Variants in ORC4 observed in about 807,000 individuals in gnomAD.
ORC4 encodes origin recognition complex, subunit 4 homolog.
In ORC4, 55 loss-of-function variants were observed where a neutral mutation model predicts 63.9. That is an observed-to-expected ratio of 0.86 (90% CI 0.69 to 1.08). ORC4 has a LOEUF of 1.08. ORC4 is among the 50% of genes least tolerant of loss of function. The pLI is 0.00. For missense variants in ORC4, 511 were observed against 504.4 expected (o/e 1.01, Z -0.13); for synonymous variants, 150 against 168.5 (o/e 0.89, Z 0.85).
chr2:147,994,193 ACT>A (rs1201816450), intron 1 of ORC4, among the ~76,000 whole-genome samples: 2 of 152,184 alleles, frequency 1.3e-5, no homozygotes, highest in Non-Finnish European at 2.9e-5. Context: ...TCACTATAAA[ACT>A]CTGATTCAAG....
chr2:147,945,758 G>C (rs1296520566), intron 9 of ORC4, among the ~76,000 whole-genome samples: 1 of 151,978 alleles, frequency 6.6e-6, no homozygotes, highest in East Asian at 1.9e-4. Flanking sequence ...ACTGCTATTG[G>C]CTTAATCCTG....
chr2:147,987,391 T>TACACAC (rs763374232), intron 1 of ORC4, among the ~76,000 whole-genome samples: 31 of 136,660 alleles, frequency 2.3e-4, no homozygotes, highest in South Asian at 9.8e-4. Context: ...TGTATATATA[T>TACACAC]ACACACACAC....
In ORC4 at chr2:147,965,023, C is replaced by T. The variant is rs369337331; in HGVS notation, c.226-6157G>A. ...ACAGACAAGCAAAAACTAAAGCAATCCGTCATCACTAGACCAGACCTATAA... is the reference window on the plus strand; with the variant it reads ...ACAGACAAGCAAAAACTAAAGCAATTCGTCATCACTAGACCAGACCTATAA... On this transcript the variant is annotated intron_variant, in intron 4 of 13. Coordinates refer to ENST00000392857, the MANE Select transcript of ORC4 (RefSeq NM_181741.4). Among the ~76,000 whole-genome samples the T allele has an allele frequency of 1.1e-3, 164 of 152,226 alleles. 1 individual carries two copies. Among genetic ancestry groups the T allele is most frequent in the South Asian group, 3.5e-3 (17 of 4,808 alleles).
Position 147,932,584 on chromosome 2 carries a change from G to A in ORC4, c.*2926C>T, listed in dbSNP as rs1476052962. 1 of 152,138 alleles carries A rather than the reference G, an allele frequency of 6.6e-6. No individual in the cohort carries two copies. Among genetic ancestry groups the A allele is most frequent in the Admixed American group, 6.6e-5 (1 of 15,242 alleles). 9.4% of individuals were successfully genotyped at this position (152,138 alleles called of 1,614,324 possible). ...TACACCTTGACAACTGCAAGAATGAGGATAGTGGTGAGTGAAGGGAGATTT... is the reference window on the plus strand; with the variant it reads ...TACACCTTGACAACTGCAAGAATGAAGATAGTGGTGAGTGAAGGGAGATTT... On this transcript the variant is annotated 3_prime_UTR_variant, in exon 14 of 14. Transcript: ENST00000392857.
chr2:148,011,445 A>T (rs1573900920), intron 1 of ORC4, among the ~76,000 whole-genome samples: 1 of 152,220 alleles, frequency 6.6e-6, no homozygotes, highest in East Asian at 1.9e-4. Context: ...AAAAACTCTC[A>T]GCAAACTGGG....
At position 147,931,048 on chromosome 2, in the gene ORC4, T is replaced by G. The variant is rs1254164469; in HGVS notation, c.*4462A>C. On this transcript the variant is annotated 3_prime_UTR_variant, in exon 14 of 14. Transcript: ENST00000392857. Reference sequence around the variant, plus strand: ...CAGTCCCCAGAGTGTGATATTCCCCTTCCTGTGTCCATGTGATCTCATTGT... The same window carrying G: ...CAGTCCCCAGAGTGTGATATTCCCCGTCCTGTGTCCATGTGATCTCATTGT... The G allele has an allele frequency of 7.6e-6, 1 of 132,002 alleles. No individual in the cohort carries two copies. Among genetic ancestry groups the G allele is most frequent in the African/African-American group, 2.8e-5 (1 of 35,446 alleles). The allele number at this position is 132,002 out of a possible 1,614,324, so 8.2% of individuals were successfully genotyped here.
intron 1 of ORC4, among the ~76,000 whole-genome samples, chr2:148,005,427 T>C (rs959608756): frequency 3.3e-5 from 5 of 151,854 alleles, no homozygotes; most frequent in Admixed American, 2.6e-4. Flanking sequence ...AAGGGAGGGA[T>C]AGCATTAGGA....
intron 4 of ORC4, among the ~76,000 whole-genome samples, chr2:147,961,267 C>T (rs1689573719): frequency 6.6e-6 from 1 of 151,730 alleles, no homozygotes; most frequent in African/African-American, 2.4e-5. Context: ...TGGTGAAACC[C>T]CATCTCTACT....
At position 147,955,138 on chromosome 2, in the gene ORC4, A is replaced by AT. The variant is rs879517632; in HGVS notation, c.436+208dup. On this transcript the variant is annotated intron_variant, in intron 7 of 13. Coordinates refer to ENST00000392857, the MANE Select transcript of ORC4 (RefSeq NM_181741.4). ...ATAATATACTGATATAAAGATCAGT[A>AT]TATCATTGAATAAAGATAAGAAACC... Among the ~76,000 whole-genome samples the AT allele has an allele frequency of 5.2e-4, 79 of 152,126 alleles. 1 individual carries two copies. The highest frequency in any genetic ancestry group is 1.9e-3 in the African/African-American group (78 of 41,574).
intron 10 of ORC4, among the ~76,000 whole-genome samples, chr2:147,941,563 G>A (rs1001884563): frequency 1.3e-5 from 2 of 151,928 alleles, no homozygotes; most frequent in African/African-American, 4.8e-5. Context: ...TCTATAATGA[G>A]CTTCCACAGT....
Position 148,004,734 on chromosome 2 carries a change from T to A in ORC4, c.-18+15899A>T, listed in dbSNP as rs1014287049. On this transcript the variant is annotated intron_variant, in intron 1 of 13. Transcript: ENST00000392857. ...TTCATGACTAAAACACCAAAAGCAATGGCAACAAAAGGATACGAACAGACA... is the reference window on the plus strand; with the variant it reads ...TTCATGACTAAAACACCAAAAGCAAAGGCAACAAAAGGATACGAACAGACA... Among the ~76,000 whole-genome samples, 5 of 151,714 alleles carry A rather than the reference T, an allele frequency of 3.3e-5. No homozygotes were observed. In the South Asian group the frequency reaches 1.0e-3, roughly 32 times the overall value.
intron 1 of ORC4, among the ~76,000 whole-genome samples, chr2:147,982,501 T>C (rs1321717389): frequency 6.6e-6 from 1 of 152,198 alleles, no homozygotes; most frequent in Admixed American, 6.5e-5. Flanking sequence ...AAGAAAGAAT[T>C]ACTCAAAAAA....
intron 8 of ORC4, among the ~76,000 whole-genome samples, chr2:147,950,164 T>C (rs1018821722): frequency 6.6e-6 from 1 of 152,156 alleles, no homozygotes; most frequent in Non-Finnish European, 1.5e-5. Context: ...TCAGATATTG[T>C]ACATTTATTT....
chr2:147,992,386 A>G (rs1573863658), intron 1 of ORC4, among the ~76,000 whole-genome samples: 1 of 152,096 alleles, frequency 6.6e-6, no homozygotes, highest in East Asian at 1.9e-4. Flanking sequence ...CCTCCTAAAT[A>G]GCTGGGATTA....
intron 4 of ORC4, among the ~76,000 whole-genome samples, chr2:147,966,263 A>C (rs891700633): frequency 6.6e-6 from 1 of 152,062 alleles, no homozygotes; most frequent in African/African-American, 2.4e-5. Context: ...ACATCAAAAA[A>C]CTAGAAAAAT....
At chr2:147,976,184 A>C (rs1214210624) in intron 1 of ORC4, among the ~76,000 whole-genome samples, 1 of 152,128 alleles carries the variant, frequency 6.6e-6, no homozygotes, top group Non-Finnish European at 1.5e-5. Context: ...ACTTTGTTTT[A>C]CTGTGCTTTG....
At chr2:147,997,195 G>A (rs1243336722) in intron 1 of ORC4, among the ~76,000 whole-genome samples, 4 of 152,088 alleles carry the variant, frequency 2.6e-5, no homozygotes, top group Non-Finnish European at 5.9e-5. Context: ...TCTGGAATAG[G>A]CAAAACTACA....
chr2:147,936,550 T>C (rs1688060993), intron 13 of ORC4: 1 of 152,158 alleles, frequency 6.6e-6, no homozygotes, highest in Non-Finnish European at 1.5e-5. Flanking sequence ...TCTCTATGTA[T>C]CACATAAATT....
intron 7 of ORC4, 38 bp downstream of exon 7, chr2:147,955,309 A>G (rs1420381568): frequency 1.4e-6 from 2 of 1,429,514 alleles, no homozygotes; most frequent in Non-Finnish European, 2.0e-6. Context: ...TAAAGTTAAA[A>G]CAGATCTTCT....
Sources: allele counts gnomAD v4.1 joint callset (sites outside exome capture counted in the v4.1 genomes callset), GRCh38; gene constraint gnomAD v4.1.1; transcripts MANE v1.5; gene names NCBI Gene and HGNC (gene_info 2026-07-23, HGNC 2026-07-21).